The following AOPEP variants were observed in gnomAD, a reference collection of about 807,000 sequenced individuals.
The protein encoded by AOPEP is aminopeptidase O (putative), also known as aminopeptidase O.
A neutral mutation model predicts 98.1 loss-of-function variants in AOPEP; 77 were observed. The ratio of observed to expected loss-of-function variants is 0.78; its 90% CI spans 0.65 to 0.95. The LOEUF is 0.95. Among genes scored for constraint, AOPEP ranks in the 40% least tolerant of loss-of-function variants. The probability of loss-of-function intolerance (pLI) is 0.00; values close to 1 mark genes in which losing one functional copy is unlikely to be tolerated. For missense variants in AOPEP, 1,024 were observed against 1,024.7 expected (o/e 1.00, Z 0.01); for synonymous variants, 346 against 365.3 (o/e 0.95, Z 0.60).
At chr9:94,774,550 A>G (rs963944957) in intron 3 of AOPEP, among the ~76,000 whole-genome samples, 2 of 152,094 alleles carry the variant, frequency 1.3e-5, no homozygotes, top group Non-Finnish European at 2.9e-5. Flanking sequence ...ATCTTGAACA[A>G]TTTACAGGTC....
intron 1 of AOPEP, among the ~76,000 whole-genome samples, chr9:94,755,089 CTT>C (rs139708559): frequency 6.8e-6 from 1 of 148,080 alleles, no homozygotes; most frequent in African/African-American, 2.5e-5. Context: ...CTTATTTTTT[CTT>C]TTTTTTTTAG....
At chr9:94,877,871 G>A (rs539899861) in intron 5 of AOPEP, among the ~76,000 whole-genome samples, 15 of 152,318 alleles carry the variant, frequency 9.8e-5, no homozygotes, top group African/African-American at 3.4e-4. Context: ...TAACAACCAG[G>A]TTATTCATTG....
chr9:95,012,007 C>G (rs1678908828), intron 13 of AOPEP, among the ~76,000 whole-genome samples: 1 of 152,100 alleles, frequency 6.6e-6, no homozygotes, highest in South Asian at 2.1e-4. Context: ...TAACATTTCC[C>G]ATGTGTCAAG....
the AOPEP span, among the ~76,000 whole-genome samples, chr9:95,140,103 A>C: frequency 1.3e-5 from 2 of 151,958 alleles, no homozygotes; most frequent in Non-Finnish European, 2.9e-5. Flanking sequence ...TAATTGGGAG[A>C]GTTTTCTGTA....
the AOPEP span, among the ~76,000 whole-genome samples, chr9:95,143,886 A>C: frequency 6.6e-6 from 1 of 152,202 alleles, no homozygotes; most frequent in Non-Finnish European, 1.5e-5. Context: ...AGAAATTTAA[A>C]AGTTCCTCTA....
chr9:94,822,610 T>C (rs912207343), intron 5 of AOPEP, among the ~76,000 whole-genome samples: 10 of 152,184 alleles, frequency 6.6e-5, no homozygotes, highest in African/African-American at 2.2e-4. Flanking sequence ...ATTTTCCTAT[T>C]CTTTAGTCAT....
intron 1 of AOPEP, among the ~76,000 whole-genome samples, chr9:94,729,678 T>C (rs908787637): frequency 1.3e-5 from 2 of 152,072 alleles, no homozygotes; most frequent in Admixed American, 6.5e-5. Context: ...CTGTGCATTG[T>C]AGGATGTTAG....
intron 5 of AOPEP, among the ~76,000 whole-genome samples, chr9:94,834,395 G>A (rs148428005): frequency 6.6e-6 from 1 of 152,300 alleles, no homozygotes; most frequent in African/African-American, 2.4e-5. Context: ...AAACATTTAT[G>A]AGCTTATCAA....
chr9:95,062,678 A>T (rs2067432400), intron 14 of AOPEP, among the ~76,000 whole-genome samples: 1 of 152,200 alleles, frequency 6.6e-6, no homozygotes, highest in Non-Finnish European at 1.5e-5. Context: ...GGCTGTGTTC[A>T]CAGAGCATCT....
intron 11 of AOPEP, among the ~76,000 whole-genome samples, chr9:94,985,334 A>G (rs774667615): frequency 5.4e-4 from 83 of 152,378 alleles, no homozygotes; most frequent in Admixed American, 2.2e-3. Flanking sequence ...GCATGAGCAC[A>G]TGATAGAAAA....
intron 5 of AOPEP, among the ~76,000 whole-genome samples, chr9:94,921,812 G>A (rs958417572): frequency 1.3e-5 from 2 of 152,140 alleles, no homozygotes; most frequent in Admixed American, 6.5e-5. Context: ...CATGTTTTCC[G>A]CAGATAGTGG....
chr9:94,843,174 C>T (rs2042472469), intron 5 of AOPEP, among the ~76,000 whole-genome samples: 1 of 152,216 alleles, frequency 6.6e-6, no homozygotes, highest in South Asian at 2.1e-4. Flanking sequence ...GCTGATCTCT[C>T]TCCCATCCAG....
At chr9:94,902,947 G>A (rs1463419052) in intron 5 of AOPEP, among the ~76,000 whole-genome samples, 2 of 150,482 alleles carry the variant, frequency 1.3e-5, no homozygotes, top group African/African-American at 2.5e-5. Context: ...CCAGTTACTC[G>A]GGAGACTGAG....
chr9:94,946,993 T>C (rs572780564), intron 7 of AOPEP, among the ~76,000 whole-genome samples: 153 of 151,638 alleles, frequency 1.0e-3, no homozygotes, highest in African/African-American at 3.6e-3. Flanking sequence ...TTTTTTTTTT[T>C]CGAGATAGAG....
At chr9:94,940,695 A>G (rs960023779) in intron 7 of AOPEP, among the ~76,000 whole-genome samples, 8 of 152,260 alleles carry the variant, frequency 5.3e-5, no homozygotes, top group Non-Finnish European at 7.3e-5. Flanking sequence ...GCTATCATCT[A>G]TGTCCTCTGG....
At chr9:94,888,535 C>G (rs2048499178) in intron 5 of AOPEP, among the ~76,000 whole-genome samples, 1 of 152,132 alleles carries the variant, frequency 6.6e-6, no homozygotes, top group Non-Finnish European at 1.5e-5. Flanking sequence ...GTCAATGTAT[C>G]AAGATGTACT....
At chr9:94,956,876 T>A (rs1452355988) in intron 9 of AOPEP, among the ~76,000 whole-genome samples, 2 of 152,228 alleles carry the variant, frequency 1.3e-5, no homozygotes, top group African/African-American at 4.8e-5. Flanking sequence ...CACGTATAAT[T>A]TGAACACAGA....
chr9:95,033,256 T>C (rs2064479269), intron 13 of AOPEP, among the ~76,000 whole-genome samples: 1 of 152,174 alleles, frequency 6.6e-6, no homozygotes, highest in South Asian at 2.1e-4. Flanking sequence ...TTTGTTCCTC[T>C]TTCTAGTACT....
chr9:94,909,214 T>C (rs2051623046), intron 5 of AOPEP, among the ~76,000 whole-genome samples: 1 of 152,028 alleles, frequency 6.6e-6, no homozygotes, highest in Non-Finnish European at 1.5e-5. Flanking sequence ...TTTCATATAC[T>C]GTAGTGTTTG....
Sources: gnomAD v4.1 joint callset for allele counts (sites outside exome capture counted in the v4.1 genomes callset) on GRCh38, gnomAD v4.1.1 for gene constraint, MANE v1.5 for transcripts, NCBI Gene and HGNC (gene_info 2026-07-23, HGNC 2026-07-21) for gene names.